CDH18: variants seen among roughly 807,000 people sequenced by gnomAD.
CDH18 encodes cadherin-18.
Under a neutral mutation model 67.9 loss-of-function variants are expected in CDH18, and 31 were observed. The ratio of observed to expected loss-of-function variants is 0.46; its 90% CI spans 0.34 to 0.62. CDH18 has a LOEUF of 0.62. Ranked by LOEUF, CDH18 falls within the 20% of genes least tolerant of loss-of-function variation. The probability of loss-of-function intolerance (pLI) is 0.01; values close to 1 mark genes in which losing one functional copy is unlikely to be tolerated. For missense variants in CDH18, 890 were observed against 975.5 expected, an observed-to-expected ratio of 0.91 and a Z score of 1.17; for synonymous variants, 362 against 347.2, an observed-to-expected ratio of 1.04 and a Z score of -0.48.
intron 4 of CDH18, among the ~76,000 whole-genome samples, chr5:19,727,596 C>T (rs1405186613): frequency 6.6e-6 from 1 of 152,102 alleles, no homozygotes; most frequent in African/African-American, 2.4e-5. Context: ...CAGCCTGTGG[C>T]ACTTTTGTAG....
chr5:19,723,054 A>AT (rs923726907), intron 4 of CDH18, among the ~76,000 whole-genome samples: 5 of 151,338 alleles, frequency 3.3e-5, no homozygotes, highest in South Asian at 2.1e-4. Flanking sequence ...AACATGGTGA[A>AT]TTTTTTTTTG....
intron 2 of CDH18, among the ~76,000 whole-genome samples, chr5:19,895,260 T>C (rs1789183589): frequency 1.3e-5 from 2 of 152,176 alleles, no homozygotes; most frequent in South Asian, 2.1e-4. Flanking sequence ...TCTTGCAAAC[T>C]GGTAAGGCTT....
intron 2 of CDH18, among the ~76,000 whole-genome samples, chr5:20,005,563 T>C (rs943916445): frequency 6.6e-6 from 1 of 151,092 alleles, no homozygotes; most frequent in Non-Finnish European, 1.5e-5. Context: ...TATATACACA[T>C]ATCTACACAC....
intron 1 of CDH18, among the ~76,000 whole-genome samples, chr5:20,550,990 T>A (rs751083461): frequency 2.6e-5 from 4 of 152,072 alleles, no homozygotes; most frequent in Non-Finnish European, 4.4e-5. Flanking sequence ...CATGAACTAA[T>A]AATAGAATGA....
chr5:19,918,719 G>T (rs1004595588), intron 2 of CDH18, among the ~76,000 whole-genome samples: 2 of 151,986 alleles, frequency 1.3e-5, no homozygotes, highest in Admixed American at 6.6e-5. Flanking sequence ...GATCTCAAAA[G>T]CATGAAATAA....
At chr5:19,763,994 C>CAAAAAA (rs60958986) in intron 3 of CDH18, among the ~76,000 whole-genome samples, 28 of 65,300 alleles carry the variant, frequency 4.3e-4, no homozygotes, top group Admixed American at 7.4e-4. Flanking sequence ...ACTAAAAATA[C>CAAAAAA]AAAAAAAAAA....
intron 1 of CDH18, among the ~76,000 whole-genome samples, chr5:20,477,938 A>C (rs1752548552): frequency 6.6e-6 from 1 of 152,172 alleles, no homozygotes; most frequent in African/African-American, 2.4e-5. Context: ...TTGGGAACAG[A>C]GTCCTGAGGC....
intron 11 of CDH18, among the ~76,000 whole-genome samples, chr5:19,495,777 G>C (rs927472892): frequency 1.3e-5 from 2 of 151,430 alleles, no homozygotes; most frequent in Non-Finnish European, 1.5e-5. Flanking sequence ...TCCACTTATG[G>C]GCAGCAGAAA....
chr5:19,941,458 T>G (rs1794808943), intron 2 of CDH18, among the ~76,000 whole-genome samples: 1 of 152,130 alleles, frequency 6.6e-6, no homozygotes, highest in East Asian at 1.9e-4. Context: ...GGTGAACATG[T>G]ACTCTGTACT....
At chr5:20,486,918 C>G (rs1258192463) in intron 1 of CDH18, among the ~76,000 whole-genome samples, 1 of 152,116 alleles carries the variant, frequency 6.6e-6, no homozygotes, top group Non-Finnish European at 1.5e-5. Flanking sequence ...GATGTCTCAA[C>G]ATGAAAACTG....
intron 2 of CDH18, among the ~76,000 whole-genome samples, chr5:19,969,229 C>A (rs1225906477): frequency 6.8e-6 from 1 of 146,068 alleles, no homozygotes; most frequent in Non-Finnish European, 1.5e-5. Context: ...AATAGGAACA[C>A]TTTTACACTG....
chr5:20,324,091 T>A (rs559106280), intron 1 of CDH18, among the ~76,000 whole-genome samples: 1 of 152,300 alleles, frequency 6.6e-6, no homozygotes, highest in South Asian at 2.1e-4. Flanking sequence ...CTAGTTGTTT[T>A]CCAAATATAC....
chr5:20,050,077 T>TA (rs149119181), intron 2 of CDH18, among the ~76,000 whole-genome samples: 14 of 151,502 alleles, frequency 9.2e-5, no homozygotes, highest in Non-Finnish European at 1.9e-4. Flanking sequence ...AGTTGGTTAA[T>TA]AAAAAAAAGT....
chr5:19,639,884 C>T (rs1753770937), intron 5 of CDH18, among the ~76,000 whole-genome samples: 1 of 152,168 alleles, frequency 6.6e-6, no homozygotes, highest in South Asian at 2.1e-4. Flanking sequence ...AAAAGCAATT[C>T]ATCACATACA....
intron 1 of CDH18, among the ~76,000 whole-genome samples, chr5:20,568,147 G>A (rs896458607): frequency 7.2e-5 from 11 of 152,120 alleles, no homozygotes; most frequent in Admixed American, 5.9e-4. Context: ...AACACAGGCT[G>A]ACAAATGTTA....
At chr5:20,533,332 C>G (rs1377114676) in intron 1 of CDH18, among the ~76,000 whole-genome samples, 2 of 152,026 alleles carry the variant, frequency 1.3e-5, no homozygotes, top group African/African-American at 4.8e-5. Context: ...TACTGTCTTA[C>G]AGTTCTTCAG....
intron 2 of CDH18, among the ~76,000 whole-genome samples, chr5:20,192,876 A>T (rs1341270921): frequency 1.3e-5 from 2 of 152,138 alleles, no homozygotes; most frequent in Non-Finnish European, 2.9e-5. Flanking sequence ...AGTTTTTTCT[A>T]ATTCTGTGAA....
chr5:20,326,950 G>A (rs1010929834), intron 1 of CDH18, among the ~76,000 whole-genome samples: 2 of 152,188 alleles, frequency 1.3e-5, no homozygotes, highest in Non-Finnish European at 2.9e-5. Context: ...GACAGAGAGT[G>A]TCATAGACGG....
chr5:19,839,862 T>C (rs1782077655), intron 2 of CDH18, among the ~76,000 whole-genome samples: 1 of 152,230 alleles, frequency 6.6e-6, no homozygotes, highest in Admixed American at 6.5e-5. Context: ...CTAGGCTTGA[T>C]TTCTAGTACA....
Sources: gnomAD v4.1 joint callset for allele counts (sites outside exome capture counted in the v4.1 genomes callset) on GRCh38, gnomAD v4.1.1 for gene constraint, MANE v1.5 for transcripts, NCBI Gene and HGNC (gene_info 2026-07-23, HGNC 2026-07-21) for gene names.